MND1: variants seen among roughly 807,000 people sequenced by gnomAD.
MND1 encodes the protein meiotic nuclear divisions 1.
In MND1, 28 loss-of-function variants were observed where a neutral mutation model predicts 35.1. The observed-to-expected ratio is 0.80, with a 90% CI of 0.59 to 1.09. MND1 has a LOEUF of 1.09. MND1 is among the 50% of genes least tolerant of loss of function. MND1 has a pLI of 0.00. For missense variants in MND1, 213 were observed against 239.6 expected, an observed-to-expected ratio of 0.89 and a Z score of 0.73; for synonymous variants, 69 against 70.5, an observed-to-expected ratio of 0.98 and a Z score of 0.11.
chr4:153,355,637 T>A lies in MND1; in HGVS notation c.70-17T>A. 6.5e-7 allele frequency: 1 copy of A among 1,529,786 alleles called. No homozygotes were observed. Among genetic ancestry groups the A allele is most frequent in the South Asian group, 1.2e-5 (1 of 85,912 alleles). 94.8% of individuals were successfully genotyped at this position (1,529,786 alleles called of 1,614,324 possible). On this transcript the variant is annotated splice_polypyrimidine_tract_variant and intron_variant, in intron 2 of 7. Coordinates refer to ENST00000240488, the MANE Select transcript of MND1 (RefSeq NM_032117.4). ...ATAAACACGTGCTTTTCATTTTCTT[T>A]AAAACCCTTTAAACAGAAAGATGTA...
chr4:153,351,094 T>C (rs1251154759), intron 2 of MND1, among the ~76,000 whole-genome samples: 2 of 152,084 alleles, frequency 1.3e-5, no homozygotes, highest in Non-Finnish European at 2.9e-5. Context: ...TGGTGAAGTC[T>C]CTATGTGAAA....
chr4:153,379,675 C>A (rs1045853559), intron 4 of MND1, among the ~76,000 whole-genome samples: 45 of 151,766 alleles, frequency 3.0e-4, no homozygotes, highest in African/African-American at 9.7e-4. Context: ...CATGGTGAAA[C>A]CCCGTCTCTA....
chr4:153,364,041 C>G (rs114743532), intron 4 of MND1, among the ~76,000 whole-genome samples: 1,581 of 152,114 alleles, frequency 0.01, 21 homozygotes, highest in African/African-American at 0.034. Context: ...CACGGCCAGC[C>G]TGGGCAACAC....
At chr4:153,401,486 C>T (rs1729347042) in intron 6 of MND1, among the ~76,000 whole-genome samples, 1 of 151,944 alleles carries the variant, frequency 6.6e-6, no homozygotes, top group African/African-American at 2.4e-5. Flanking sequence ...ATCCCCTTAT[C>T]ACTAACTTTA....
At chr4:153,392,620 T>C (rs1729078542) in intron 4 of MND1, among the ~76,000 whole-genome samples, 1 of 152,164 alleles carries the variant, frequency 6.6e-6, no homozygotes, top group African/African-American at 2.4e-5. Flanking sequence ...TTTGTTCCCT[T>C]GTAGACCCAG....
At chr4:153,355,540 C>A (rs1773318432) in intron 2 of MND1, 114 bp from the exon 3 acceptor site, 4 of 652,298 alleles carry the variant, frequency 6.1e-6, no homozygotes, top group Non-Finnish European at 1.1e-5. Flanking sequence ...ATCACACATA[C>A]CCTGTAAATG....
At chr4:153,405,310 C>T (rs543381420) in intron 6 of MND1, among the ~76,000 whole-genome samples, 4 of 152,068 alleles carry the variant, frequency 2.6e-5, no homozygotes, top group East Asian at 3.9e-4. Flanking sequence ...GAAGCTGAGG[C>T]GGGTGGATCA....
intron 1 of MND1, 31 bp from the exon 2 acceptor site, chr4:153,350,033 C>G: frequency 6.8e-7 from 1 of 1,466,596 alleles, no homozygotes; most frequent in Non-Finnish European, 9.4e-7. Context: ...TGTTTAAAAG[C>G]ATTGTTTACT....
intron 4 of MND1, among the ~76,000 whole-genome samples, chr4:153,384,242 C>G (rs1306813827): frequency 7.5e-6 from 1 of 133,788 alleles, no homozygotes; most frequent in Non-Finnish European, 1.6e-5. Context: ...ATCCATATTT[C>G]CATTTCTACT....
intron 4 of MND1, among the ~76,000 whole-genome samples, chr4:153,392,779 A>G (rs1183571768): frequency 6.6e-6 from 1 of 152,146 alleles, no homozygotes; most frequent in Non-Finnish European, 1.5e-5. Flanking sequence ...CATATAACTT[A>G]CCTACTTTCT....
At chr4:153,362,848 A>AGTAGTTAT (rs1773529466) in intron 4 of MND1, 1 of 221,162 alleles carries the variant, frequency 4.5e-6, no homozygotes, top group African/African-American at 2.3e-5. Context: ...TGGGTACTTT[A>AGTAGTTAT]GTAGTTATGG....
chr4:153,406,679 C>T (rs1729518327), intron 6 of MND1, among the ~76,000 whole-genome samples: 1 of 152,080 alleles, frequency 6.6e-6, no homozygotes, highest in Admixed American at 6.6e-5. Context: ...TGAACGGACA[C>T]TTCCCCCAAG....
At chr4:153,355,322 A>AT (rs1389430697) in intron 2 of MND1, among the ~76,000 whole-genome samples, 1 of 152,138 alleles carries the variant, frequency 6.6e-6, no homozygotes, top group Non-Finnish European at 1.5e-5. Context: ...TTTAAATACA[A>AT]TTTTTCATGA....
chr4:153,346,152 A>G (rs1773073026), intron 1 of MND1, among the ~76,000 whole-genome samples: 2 of 152,222 alleles, frequency 1.3e-5, no homozygotes, highest in Admixed American at 1.3e-4. Context: ...TTATGAATTA[A>G]TAGCTGTTTT....
chr4:153,388,999 G>T (rs1263921075), intron 4 of MND1, among the ~76,000 whole-genome samples: 2 of 152,184 alleles, frequency 1.3e-5, no homozygotes, highest in African/African-American at 4.8e-5. Flanking sequence ...ACAGAATAGG[G>T]GAGTACATAC....
chr4:153,397,467 C>A, intron 6 of MND1, 134 bp downstream of exon 6: 1 of 587,132 alleles, frequency 1.7e-6, no homozygotes, highest in Non-Finnish European at 2.9e-6. Context: ...GTTTGTAGTA[C>A]TCTAATTTTG....
At chr4:153,395,797 A>G (rs1022397219) in intron 5 of MND1, among the ~76,000 whole-genome samples, 10 of 152,222 alleles carry the variant, frequency 6.6e-5, no homozygotes, top group Admixed American at 6.5e-4. Context: ...GATTGTTTCA[A>G]TGCATGATAC....
intron 7 of MND1, among the ~76,000 whole-genome samples, chr4:153,413,012 G>A (rs9968401): frequency 0.069 from 10,545 of 151,910 alleles, 632 homozygotes; most frequent in African/African-American, 0.16. Context: ...TTACTATGTC[G>A]GCCAGGATGG....
At chr4:153,368,925 A>G (rs1477419142) in intron 4 of MND1, among the ~76,000 whole-genome samples, 1 of 152,252 alleles carries the variant, frequency 6.6e-6, no homozygotes, top group African/African-American at 2.4e-5. Flanking sequence ...TTTAAGAAAT[A>G]GACATTACTA....
Sources: gnomAD v4.1 joint callset for allele counts (sites outside exome capture counted in the v4.1 genomes callset) on GRCh38, gnomAD v4.1.1 for gene constraint, MANE v1.5 for transcripts, NCBI Gene and HGNC (gene_info 2026-07-23, HGNC 2026-07-21) for gene names.